The following AACS variants were observed in gnomAD, a reference collection of about 807,000 sequenced individuals.
AACS encodes acetoacetate-CoA ligase.
Under a neutral mutation model 83.1 loss-of-function variants are expected in AACS, and 69 were observed. That is an observed-to-expected ratio of 0.83 (90% CI 0.68 to 1.01). AACS has a LOEUF of 1.01. Among genes scored for constraint, AACS ranks in the 50% least tolerant of loss-of-function variants. AACS has a pLI of 0.00. For missense variants in AACS, 866 were observed against 882.2 expected (o/e 0.98, Z 0.23); for synonymous variants, 333 against 343.4 (o/e 0.97, Z 0.33).
intron 12 of AACS, 146 bp downstream of exon 12, chr12:125,125,170 T>C: frequency 7.8e-7 from 1 of 1,287,466 alleles, no homozygotes; most frequent in East Asian, 2.4e-5. Context: ...TCTGAGGCAG[T>C]GATGTTCCAC....
At chr12:125,112,062 G>C (rs1255809172) in intron 8 of AACS, among the ~76,000 whole-genome samples, 1 of 152,204 alleles carries the variant, frequency 6.6e-6, no homozygotes, top group Non-Finnish European at 1.5e-5. Flanking sequence ...AAGTGGGAGA[G>C]GGATTTGCCA....
At chr12:125,125,173 T>C in intron 12 of AACS, 149 bp downstream of exon 12, 5 of 1,267,718 alleles carry the variant, frequency 3.9e-6, no homozygotes, top group Non-Finnish European at 5.4e-6. Flanking sequence ...GAGGCAGTGA[T>C]GTTCCACGAA....
At chr12:125,081,146 C>T (rs1594583317) in intron 3 of AACS, among the ~76,000 whole-genome samples, 2 of 152,078 alleles carry the variant, frequency 1.3e-5, no homozygotes, top group Admixed American at 1.3e-4. Context: ...GCGTGCGCCA[C>T]CACACTGGCT....
At chr12:125,092,185 C>G (rs994487446) in intron 5 of AACS, among the ~76,000 whole-genome samples, 19 of 152,358 alleles carry the variant, frequency 1.2e-4, no homozygotes, top group Admixed American at 3.3e-4. Flanking sequence ...CCTCTCCTGG[C>G]TGCAGAGCCT....
At position 125,130,225 on chromosome 12, in the gene AACS, G is replaced by T. The variant is rs1380856892; in HGVS notation, c.1549+765G>T. Reference sequence around the variant, plus strand: ...AAGCGGTAAGTGGTAGGATTTGCCAGGTATCCTTCCTGCCTTGCGTGTTTG... The same window carrying T: ...AAGCGGTAAGTGGTAGGATTTGCCATGTATCCTTCCTGCCTTGCGTGTTTG... On this transcript the variant is annotated intron_variant, in intron 14 of 17. Transcript: ENST00000316519. The surrounding 1 kb of genome is among the most constrained non-coding windows in gnomAD (Gnocchi z 4.9). 1.3e-5 allele frequency among the ~76,000 whole-genome samples: 2 copies of T among 152,250 alleles called. No homozygotes were observed. Among genetic ancestry groups the T allele is most frequent in the East Asian group, 3.8e-4 (2 of 5,200 alleles).
chr12:125,078,820 C>CAAAAAAAAAAAAAAA (rs71092270), intron 3 of AACS, among the ~76,000 whole-genome samples: 1 of 52,026 alleles, frequency 1.9e-5, no homozygotes, highest in African/African-American at 9.7e-5. Context: ...GACTCCGTCT[C>CAAAAAAAAAAAAAAA]AAAAAAAAAA....
intron 9 of AACS, chr12:125,118,433 T>G (rs1957095472): frequency 1.6e-6 from 1 of 609,744 alleles, no homozygotes; most frequent in Admixed American, 3.2e-5. Context: ...CTGTGACACA[T>G]CTTCATGCAC....
At position 125,093,079 on chromosome 12, in the gene AACS, C is replaced by T. The variant is rs113067752; in HGVS notation, c.570+1556C>T. On this transcript the variant is annotated intron_variant, in intron 5 of 17. Transcript: ENST00000316519. The stretch of plus-strand genomic sequence containing the variant: ...GGCAGGAGCCACGTTTGTGTGGAGC[C>T]GGGGACAGGGTGTGACCCTCCAGGC... Among the ~76,000 whole-genome samples, 56 of 148,656 alleles carry T rather than the reference C, an allele frequency of 3.8e-4. 1 individual carries two copies. The highest frequency in any genetic ancestry group is 1.2e-3 in the African/African-American group (50 of 40,492).
chr12:125,128,378 C>T, intron 13 of AACS, 104 bp downstream of exon 13: 1 of 1,020,672 alleles, frequency 9.8e-7, no homozygotes, highest in Non-Finnish European at 1.4e-6. Flanking sequence ...CCAAAACAGC[C>T]CTCGGAGGGG....
At chr12:125,098,596 C>T (rs538618784) in intron 5 of AACS, among the ~76,000 whole-genome samples, 4 of 152,160 alleles carry the variant, frequency 2.6e-5, no homozygotes, top group South Asian at 4.1e-4. Flanking sequence ...AGACTACAGG[C>T]GTGCGCCACC....
chr12:125,116,186 C>T (rs779767632), intron 9 of AACS, among the ~76,000 whole-genome samples: 2 of 152,070 alleles, frequency 1.3e-5, no homozygotes, highest in African/African-American at 4.8e-5. Flanking sequence ...GCGGGAAGCC[C>T]GGGCAGCAGC....
chr12:125,115,404 G>A (rs1957037202), intron 9 of AACS, among the ~76,000 whole-genome samples: 1 of 152,094 alleles, frequency 6.6e-6, no homozygotes, highest in Admixed American at 6.5e-5. Flanking sequence ...GGGACTACAG[G>A]CGTGCACCAC....
intron 5 of AACS, chr12:125,101,651 C>G (rs552256905): frequency 3.3e-5 from 5 of 151,508 alleles, no homozygotes; most frequent in African/African-American, 9.7e-5. Context: ...AACACACACT[C>G]TATACTCTTC....
At chr12:125,096,002 T>A (rs1378222236) in intron 5 of AACS, among the ~76,000 whole-genome samples, 2 of 152,206 alleles carry the variant, frequency 1.3e-5, no homozygotes, top group African/African-American at 4.8e-5. Context: ...TCTCACTCTG[T>A]CTCCCAAGCT....
At chr12:125,074,263 TA>T in intron 2 of AACS, among the ~76,000 whole-genome samples, 1 of 152,268 alleles carries the variant, frequency 6.6e-6, no homozygotes, top group African/African-American at 2.4e-5. Flanking sequence ...AATTTTTAAA[TA>T]TTTGGGGCTG....
intron 4 of AACS, chr12:125,091,130 G>T: frequency 2.3e-6 from 1 of 430,448 alleles, no homozygotes; most frequent in Non-Finnish European, 4.4e-6. Context: ...GGACAACTGA[G>T]GAGTCGGAAG....
Position 125,084,578 on chromosome 12 carries a change from A to AT in AACS, c.359-1736dup, listed in dbSNP as rs35996407. On this transcript the variant is annotated intron_variant, in intron 3 of 17. Coordinates refer to ENST00000316519, the MANE Select transcript of AACS (RefSeq NM_023928.5). ...ACCACCACGCCTGGCTAGTTTTTAA[A>AT]TTTTTTTTTTTTTTTTCCAAGACAG... Among the ~76,000 whole-genome samples, 813 of 140,154 alleles carry AT rather than the reference A, an allele frequency of 5.8e-3. 7 individuals carry two copies. The highest frequency in any genetic ancestry group is 9.1e-3 in the Non-Finnish European group (586 of 64,306). 91.9% of individuals were successfully genotyped at this position (140,154 alleles called of 152,430 possible). A position where few individuals can be genotyped will look rare whatever the true frequency, so the allele number is the denominator to read the frequency against.
intron 10 of AACS, chr12:125,120,792 AGT>A (rs1392478931): frequency 1.3e-5 from 2 of 152,268 alleles, no homozygotes; most frequent in East Asian, 1.9e-4. Flanking sequence ...TGTATGTGAA[AGT>A]GTGTGCGCGC....
chr12:125,088,666 C>T (rs1218598867), intron 4 of AACS, among the ~76,000 whole-genome samples: 2 of 152,122 alleles, frequency 1.3e-5, no homozygotes, highest in Non-Finnish European at 2.9e-5. Context: ...CCTCCCAATT[C>T]TCATTTAAAA....
Sources: gnomAD v4.1 joint callset for allele counts (sites outside exome capture counted in the v4.1 genomes callset) on GRCh38, gnomAD v4.1.1 for gene constraint, Gnocchi (gnomAD v3.1) non-coding constraint, MANE v1.5 for transcripts, NCBI Gene and HGNC (gene_info 2026-07-23, HGNC 2026-07-21) for gene names.